Variants in MAP3K10 observed in about 807,000 individuals in gnomAD.
The protein encoded by MAP3K10 is mitogen-activated protein kinase kinase kinase 10.
A neutral mutation model predicts 75.0 loss-of-function variants in MAP3K10; 22 were observed. The observed-to-expected ratio is 0.29, with a 90% CI of 0.21 to 0.42. The LOEUF (loss-of-function observed/expected upper bound fraction) is 0.42. Among genes scored for constraint, MAP3K10 ranks in the 10% least tolerant of loss-of-function variants. MAP3K10 has a pLI of 1.00. For synonymous variants in MAP3K10, 599 were observed against 612.9 expected, an observed-to-expected ratio of 0.98 and a Z score of 0.34; for missense variants, 1,165 against 1,379.8, an observed-to-expected ratio of 0.84 and a Z score of 2.47.
chr19:40,213,854 G>A lies in MAP3K10; in HGVS notation c.2175G>A (p.Ala725=), dbSNP rs781061859. 7 of 1,385,332 alleles carry A rather than the reference G, an allele frequency of 5.1e-6. No individual in the cohort carries two copies. Among genetic ancestry groups the A allele is most frequent in the Non-Finnish European group, 6.5e-6 (7 of 1,075,174 alleles). The allele number at this position is 1,385,332 out of a possible 1,614,324, so 85.8% of individuals were successfully genotyped here. Residue 725 remains alanine (A), a synonymous_variant, in exon 9 of 10, where the codon GCG becomes GCA. Transcript: ENST00000253055. The surrounding 1 kb of genome is among the most constrained non-coding windows in gnomAD (Gnocchi z 5.7). ...TCCCGCGGGGCCTCAGCCCACCCGC[G>A]CGTCCCCACGGCCGCCGCGAAGACG... ...GRFPRGLSPP[A]RPHGRREDVG... is the part of the protein sequence containing the mutation.
rs759660870 is a variant in MAP3K10, at chr19:40,192,384, G to A, written c.353G>A (p.Arg118His). 9.9e-6 allele frequency: 16 copies of A among 1,613,754 alleles called. No individual in the cohort carries two copies. The highest frequency in any genetic ancestry group is 2.2e-5 in the East Asian group (1 of 44,888). The change falls in exon 1 of 10, where the codon CGT becomes CAT. Residue 118 changes from arginine (R) to histidine (H), a missense_variant. Physicochemically the swap from Arg to His is conservative, Grantham distance 29. This residue lies in a region of MAP3K10 where 575 missense variants were observed against 793.2 expected (regional missense o/e 0.72). Coordinates refer to ENST00000253055, the MANE Select transcript of MAP3K10 (RefSeq NM_002446.4). This position sits in a 1 kb window ranked among gnomAD's most constrained non-coding sequence, Gnocchi z 7.1. ...GGCAAGGTCTATCGGGCCCTGTGGC[G>A]TGGCGAGGAGGTGGCAGTCAAGGCC... ...GFGKVYRALW[R>H]GEEVAVKAAR...
At chr19:40,203,156 A>G (rs982027163) in intron 2 of MAP3K10, among the ~76,000 whole-genome samples, 1 of 152,134 alleles carries the variant, frequency 6.6e-6, no homozygotes, top group Non-Finnish European at 1.5e-5. Context: ...CCTGGCCAAC[A>G]TGGTGAAACC....
At chr19:40,202,625 C>T (rs1302754588) in intron 2 of MAP3K10, among the ~76,000 whole-genome samples, 1 of 152,026 alleles carries the variant, frequency 6.6e-6, no homozygotes, top group African/African-American at 2.4e-5. Flanking sequence ...ATAAAATTAA[C>T]CCACTATAAA....
intron 6 of MAP3K10, among the ~76,000 whole-genome samples, chr19:40,211,618 A>G (rs1461856242): frequency 1.3e-5 from 2 of 151,762 alleles, no homozygotes; most frequent in African/African-American, 2.4e-5. Context: ...ATAAGTGAGA[A>G]CATGCAGTGT....
chr19:40,201,754 A>G (rs1458222556), intron 2 of MAP3K10, among the ~76,000 whole-genome samples: 1 of 145,544 alleles, frequency 6.9e-6, no homozygotes, highest in Non-Finnish European at 1.5e-5. Flanking sequence ...AAGTGCTGAC[A>G]TTACAGGCGT....
rs772189080 is a variant in MAP3K10 at position 40,214,032 on chromosome 19, C to T, written c.2353C>T (p.Pro785Ser). The T allele has an allele frequency of 5.3e-6, 8 of 1,523,054 alleles. No homozygotes were observed. The East Asian group carries it at 1.5e-4, about 29-fold the overall frequency. The allele number at this position is 1,523,054 out of a possible 1,614,324, so 94.3% of individuals were successfully genotyped here. Reference protein sequence around the residue: ...SPPPSPPAPTPTPSPSTNPLV... With the variant: ...SPPPSPPAPTSTPSPSTNPLV... Reference sequence around the variant, plus strand: ...ACCACCCTCCCCGCCCGCGCCCACACCCACGCCCTCGCCCAGCACCAACCC... The same window carrying T: ...ACCACCCTCCCCGCCCGCGCCCACATCCACGCCCTCGCCCAGCACCAACCC... Residue 785 changes from proline (P) to serine (S), a missense_variant, in exon 9 of 10, where the codon CCC becomes TCC. Coordinates refer to ENST00000253055, the MANE Select transcript of MAP3K10 (RefSeq NM_002446.4).
At position 40,204,423 on chromosome 19, in the gene MAP3K10, C is replaced by G; in HGVS notation, c.864-62C>G. On this transcript the variant is annotated intron_variant, in intron 2 of 9. Coordinates refer to ENST00000253055, the MANE Select transcript of MAP3K10 (RefSeq NM_002446.4). The surrounding 1 kb of genome is among the most constrained non-coding windows in gnomAD (Gnocchi z 4.3). ...GCCCTGCATGGGACCAAGGGCAGGG[C>G]TGGGTATAGGTGAGGATTGGGGTGG... The G allele has an allele frequency of 6.4e-7, 1 of 1,562,098 alleles. No homozygotes were observed. The highest frequency in any genetic ancestry group is 8.7e-7 in the Non-Finnish European group (1 of 1,153,350).
intron 2 of MAP3K10, among the ~76,000 whole-genome samples, chr19:40,201,009 T>A (rs933443026): frequency 5.9e-5 from 9 of 152,028 alleles, no homozygotes; most frequent in African/African-American, 2.2e-4. Context: ...TTCTCAGTCA[T>A]TATTACAATC....
chr19:40,196,992 G>T (rs879812590), intron 1 of MAP3K10, among the ~76,000 whole-genome samples: 3 of 152,166 alleles, frequency 2.0e-5, no homozygotes, highest in East Asian at 3.8e-4. Context: ...GAATACTTCA[G>T]TCAGATTTTG....
rs945560263 is a variant in MAP3K10 at position 40,213,494 on chromosome 19, G to C, written c.1838-23G>C. 9 of 1,609,492 alleles carry C rather than the reference G, an allele frequency of 5.6e-6. No individual in the cohort carries two copies. Among genetic ancestry groups the C allele is most frequent in the South Asian group, 1.1e-5 (1 of 90,598 alleles). On this transcript the variant is annotated intron_variant, in intron 8 of 9. Transcript: ENST00000253055. This position sits in a 1 kb window ranked among gnomAD's most constrained non-coding sequence, Gnocchi z 5.7. ...GGGCCCTGGCCAGCCCTGCAGCGGA[G>C]TGATGGCCCTCTCCGGTTGCAGAGG...
At chr19:40,206,353 G>C (rs1288314757) in intron 5 of MAP3K10, 196 bp downstream of exon 5, 5 of 529,750 alleles carry the variant, frequency 9.4e-6, no homozygotes, top group Non-Finnish European at 1.5e-5. Context: ...AGGATCACTT[G>C]AGGCCAGAAG....
intron 5 of MAP3K10, 97 bp from the exon 6 acceptor site, chr19:40,209,006 C>A: frequency 1.2e-6 from 1 of 855,178 alleles, no homozygotes. Flanking sequence ...TGGCGGTGTT[C>A]CCATTCTAGA....
chr19:40,212,161 G>A lies in MAP3K10; in HGVS notation c.1553-644G>A, dbSNP rs1205425841. Among the ~76,000 whole-genome samples the A allele has an allele frequency of 6.6e-6, 1 of 152,206 alleles. No homozygotes were observed. On this transcript the variant is annotated intron_variant, in intron 6 of 9. Transcript: ENST00000253055. This position sits in a 1 kb window ranked among gnomAD's most constrained non-coding sequence, Gnocchi z 4.2. ...TGGAGAAAGCAGTGAGATGATGGAG[G>A]CCAGGCCAGGGTGGGGGACTTGGAA...
In MAP3K10 at chr19:40,198,391, C is replaced by T. The variant is rs1297458686; in HGVS notation, c.699C>T (p.Ala233=). 5 of 1,613,216 alleles carry T rather than the reference C, an allele frequency of 3.1e-6. No individual in the cohort carries two copies. In the East Asian group the frequency reaches 6.7e-5, roughly 22 times the overall value. ...ACCCCACAGTCCTGATCCTGGAGGC[C>T]ATCGAGAACCACAACCTCGCAGACA... ...LKSINILILE[A]IENHNLADTV... The change falls in exon 2 of 10, where the codon GCC becomes GCT. Residue 233 remains alanine (A), a synonymous_variant. Coordinates refer to ENST00000253055, the MANE Select transcript of MAP3K10 (RefSeq NM_002446.4). This position sits in a 1 kb window ranked among gnomAD's most constrained non-coding sequence, Gnocchi z 4.3.
rs148883852 is a variant in MAP3K10 at position 40,205,199 on chromosome 19, C to T, written c.1091C>T (p.Ala364Val). 21 of 1,613,932 alleles carry T rather than the reference C, an allele frequency of 1.3e-5. No individual in the cohort carries two copies. In the African/African-American group the frequency reaches 2.5e-4, roughly 19 times the overall value. Residue 364 changes from alanine (A) to valine (V), a missense_variant, in exon 4 of 10, where the codon GCC becomes GTC. Around this residue, in one of 2 missense-constraint regions of MAP3K10, gnomAD observed 575 missense variants for 793.2 expected, o/e 0.72. Transcript: ENST00000253055. This position sits in a 1 kb window ranked among gnomAD's most constrained non-coding sequence, Gnocchi z 4.3. ...LKRLEVIEQSALFQMPLESFH... is the reference protein window; with the variant it reads ...LKRLEVIEQSVLFQMPLESFH... Reference sequence around the variant, plus strand: ...CGGCTTGAAGTCATCGAACAGTCAGCCCTGTTCCAGATGCCACTGGAGTCC... The same window carrying T: ...CGGCTTGAAGTCATCGAACAGTCAGTCCTGTTCCAGATGCCACTGGAGTCC...
chr19:40,214,007 ACC>A lies in MAP3K10; in HGVS notation c.2329_2330del (p.Pro777ThrfsTer74). Reference protein sequence around the residue: ...DEAAPAAPSPPPSPPAPTPTP... With the variant: ...DEAAPAAPSPXPSPPAPTPTP... ...AGGCCGCACCGGCCGCGCCCTCCCC[ACC>A]ACCCTCCCCGCCCGCGCCCACACCC... is the stretch of plus-strand genomic sequence containing the variant. On this transcript the variant is annotated frameshift_variant, in exon 9 of 10. Transcript: ENST00000253055. LOFTEE classifies it high-confidence loss of function. 3.9e-6 allele frequency: 2 copies of A among 512,938 alleles called. No individual in the cohort carries two copies. Among genetic ancestry groups the A allele is most frequent in the Non-Finnish European group, 5.4e-6 (2 of 369,902 alleles). 31.8% of individuals were successfully genotyped at this position (512,938 alleles called of 1,614,324 possible).
At chr19:40,200,388 G>A (rs916838739) in intron 2 of MAP3K10, among the ~76,000 whole-genome samples, 12 of 152,154 alleles carry the variant, frequency 7.9e-5, no homozygotes, top group African/African-American at 2.9e-4. Context: ...GGTGGCCATG[G>A]AGACTTTCAA....
rs1158821803 is a variant in MAP3K10 at position 40,198,722 on chromosome 19, A to G, written c.863+167A>G. ...ACAAGTGCCAGTTACCTGTTCAGCT[A>G]GCACAAATGGCAACTAGGGGGCACA... On this transcript the variant is annotated intron_variant, in intron 2 of 9. Coordinates refer to ENST00000253055, the MANE Select transcript of MAP3K10 (RefSeq NM_002446.4). This position sits in a 1 kb window ranked among gnomAD's most constrained non-coding sequence, Gnocchi z 4.3. Among the ~76,000 whole-genome samples the G allele has an allele frequency of 1.3e-5, 2 of 152,244 alleles. No individual in the cohort carries two copies. The highest frequency in any genetic ancestry group is 3.9e-4 in the East Asian group (2 of 5,192).
chr19:40,209,607 G>T (rs981498235), intron 6 of MAP3K10, among the ~76,000 whole-genome samples: 10 of 151,700 alleles, frequency 6.6e-5, no homozygotes, highest in African/African-American at 2.4e-4. Flanking sequence ...AGAGATGGGG[G>T]TTTCACCATG....
Sources: gnomAD v4.1 joint callset for allele counts (sites outside exome capture counted in the v4.1 genomes callset) on GRCh38, gnomAD v4.1.1 for gene constraint, gnomAD v4.1.1 regional missense constraint, Gnocchi (gnomAD v3.1) non-coding constraint, MANE v1.5 for transcripts, NCBI Gene and HGNC (gene_info 2026-07-23, HGNC 2026-07-21) for gene names.